ASH1L: variants seen among roughly 807,000 people sequenced by gnomAD.
ASH1L encodes the protein ASH1 like histone lysine methyltransferase, also known as histone-lysine N-methyltransferase ASH1L.
Under a neutral mutation model 269.0 loss-of-function variants are expected in ASH1L, and 23 were observed. That is an observed-to-expected ratio of 0.09 (90% CI 0.06 to 0.12). The LOEUF (loss-of-function observed/expected upper bound fraction) is 0.12. Among genes scored for constraint, ASH1L ranks in the 10% least tolerant of loss-of-function variants. The pLI, the probability that ASH1L is intolerant of heterozygous loss-of-function variation, is 1.00. For synonymous variants in ASH1L, 1,187 were observed against 1,253.5 expected (o/e 0.95, Z 1.12); for missense variants, 2,912 against 3,567.8 (o/e 0.82, Z 4.68).
intron 2 of ASH1L, among the ~76,000 whole-genome samples, chr1:155,509,517 G>A (rs1390013468): frequency 6.6e-6 from 1 of 152,194 alleles, no homozygotes; most frequent in East Asian, 1.9e-4. Flanking sequence ...TAGTGTTGAG[G>A]CCGGGCTTGG....
intron 16 of ASH1L, among the ~76,000 whole-genome samples, chr1:155,353,535 C>A (rs1654106033): frequency 6.6e-6 from 1 of 152,110 alleles, no homozygotes; most frequent in African/African-American, 2.4e-5. Context: ...CTTTTGAACA[C>A]TCTGTTTTCA....
chr1:155,446,111 T>C (rs1663000402), intron 4 of ASH1L, among the ~76,000 whole-genome samples: 2 of 150,206 alleles, frequency 1.3e-5, no homozygotes, highest in South Asian at 4.2e-4. Flanking sequence ...CTCGAACTCC[T>C]GACCTCAAAT....
At chr1:155,442,813 C>A (rs1419047828) in intron 4 of ASH1L, among the ~76,000 whole-genome samples, 2 of 152,014 alleles carry the variant, frequency 1.3e-5, no homozygotes, top group Non-Finnish European at 2.9e-5. Context: ...GCCTTTGAGT[C>A]TGCCTTTCTC....
chr1:155,540,306 G>T (rs1437615570), intron 1 of ASH1L, among the ~76,000 whole-genome samples: 1 of 152,156 alleles, frequency 6.6e-6, no homozygotes, highest in African/African-American at 2.4e-5. Flanking sequence ...AATGTGAATA[G>T]AAATTGTTGT....
At chr1:155,476,222 T>C (rs755462106) in intron 3 of ASH1L, among the ~76,000 whole-genome samples, 1 of 151,866 alleles carries the variant, frequency 6.6e-6, no homozygotes, top group African/African-American at 2.4e-5. Context: ...CTGTCTCTAC[T>C]AGAAATATAA....
intron 1 of ASH1L, among the ~76,000 whole-genome samples, chr1:155,536,566 T>C (rs1011268399): frequency 1.3e-5 from 2 of 152,164 alleles, no homozygotes; most frequent in East Asian, 3.8e-4. Context: ...AGCTCCCATA[T>C]ATGAATACGC....
Position 155,459,200 on chromosome 1 carries a change from A to AT in ASH1L, c.5086+596dup, listed in dbSNP as rs997718526. Among the ~76,000 whole-genome samples the AT allele has an allele frequency of 1.8e-3, 261 of 146,154 alleles. 2 individuals are homozygous for AT. Among genetic ancestry groups the AT allele is most frequent in the South Asian group, 0.016 (75 of 4,642 alleles). On this transcript the variant is annotated intron_variant, in intron 4 of 27. Transcript: ENST00000392403. ...TTGGAAATTACTAGTTTACTAAACA[A>AT]TTTTTTTTTTTTTCAGACAGAGTCT...
Position 155,480,780 on chromosome 1 carries a change from G to A in ASH1L, c.2090C>T (p.Ala697Val). The A allele has an allele frequency of 6.2e-7, 1 of 1,613,710 alleles. No homozygotes were observed. Among genetic ancestry groups the A allele is most frequent in the Non-Finnish European group, 8.5e-7 (1 of 1,179,954 alleles). The change falls in exon 3 of 28, where the codon GCT becomes GTT. Residue 697 changes from alanine (A) to valine (V), a missense_variant. By Grantham distance (64) the Ala-to-Val change is moderately conservative. Around this residue, in one of 13 missense-constraint regions of ASH1L, gnomAD observed 715 missense variants for 721.0 expected, o/e 0.99. Coordinates refer to ENST00000392403, the MANE Select transcript of ASH1L (RefSeq NM_018489.3). ...VSASDKHCQV[A>V]ESLSTSLQSK... is the part of the protein sequence containing the mutation. ...CTGCAAACTAGTACTTAGGCTTTCA[G>A]CAACTTGGCAGTGTTTGTCTGATGC...
At chr1:155,364,922 T>TA (rs60237031) in intron 12 of ASH1L, among the ~76,000 whole-genome samples, 8,543 of 107,066 alleles carry the variant, frequency 0.08, 414 homozygotes, top group African/African-American at 0.15. Context: ...AGCTCTGTCT[T>TA]AAAAAAAAAA....
In ASH1L at chr1:155,343,913, C is replaced by G. The variant is rs550846384; in HGVS notation, c.7982-171G>C. ...GATGATAATCAATTCTAGACTATGACAATAATATAAGGGAGGCATTCCATT... is the reference window on the plus strand; with the variant it reads ...GATGATAATCAATTCTAGACTATGAGAATAATATAAGGGAGGCATTCCATT... On this transcript the variant is annotated intron_variant, in intron 22 of 27. Transcript: ENST00000392403. The surrounding 1 kb of genome is among the most constrained non-coding windows in gnomAD (Gnocchi z 6.1). 6.6e-6 allele frequency among the ~76,000 whole-genome samples: 1 copy of G among 152,274 alleles called. No individual in the cohort carries two copies. Among genetic ancestry groups the G allele is most frequent in the Non-Finnish European group, 1.5e-5 (1 of 68,020 alleles).
At chr1:155,395,309 T>A in intron 7 of ASH1L, 150 bp downstream of exon 7, 1 of 574,130 alleles carries the variant, frequency 1.7e-6, no homozygotes, top group South Asian at 2.6e-5. Context: ...GTGTATAAAA[T>A]TCTTCAGAGT....
chr1:155,546,783 C>T (rs1670855925), intron 1 of ASH1L, among the ~76,000 whole-genome samples: 1 of 151,546 alleles, frequency 6.6e-6, no homozygotes, highest in Non-Finnish European at 1.5e-5. Flanking sequence ...TGGTAAAGAA[C>T]AGGTAAACAA....
At chr1:155,376,925 G>T (rs912388799) in intron 10 of ASH1L, among the ~76,000 whole-genome samples, 1 of 150,370 alleles carries the variant, frequency 6.7e-6, no homozygotes, top group Non-Finnish European at 1.5e-5. Context: ...TTTTGGGGGG[G>T]AGATGGAGTT....
At chr1:155,419,295 G>C (rs932529877) in intron 5 of ASH1L, 3 of 150,604 alleles carry the variant, frequency 2.0e-5, no homozygotes, top group South Asian at 4.2e-4. Flanking sequence ...CAAACCAGAA[G>C]ACAATGTAAT....
At chr1:155,342,530 G>T (rs182965005) in intron 24 of ASH1L, among the ~76,000 whole-genome samples, 5 of 152,286 alleles carry the variant, frequency 3.3e-5, no homozygotes, top group Admixed American at 2.0e-4. Context: ...GTCAGTTTTG[G>T]AATGGAATAC....
intron 2 of ASH1L, among the ~76,000 whole-genome samples, chr1:155,503,341 C>G (rs374975350): frequency 6.6e-6 from 1 of 152,034 alleles, no homozygotes; most frequent in Admixed American, 6.6e-5. Context: ...TGTCAAAATG[C>G]CTTTGTGTAC....
At chr1:155,561,338 A>G (rs1671949698) in intron 1 of ASH1L, among the ~76,000 whole-genome samples, 1 of 137,920 alleles carries the variant, frequency 7.3e-6, no homozygotes, top group African/African-American at 2.5e-5. Context: ...CCAAAGGCAC[A>G]AACTATTCTT....
Position 155,420,052 on chromosome 1 carries a change from T to G in ASH1L, c.5829-4129A>C, listed in dbSNP as rs547607095. Among the ~76,000 whole-genome samples, 7 of 152,254 alleles carry G rather than the reference T, an allele frequency of 4.6e-5. No homozygotes were observed. In the South Asian group the frequency reaches 1.4e-3, roughly 32 times the overall value. On this transcript the variant is annotated intron_variant, in intron 5 of 27. Coordinates refer to ENST00000392403, the MANE Select transcript of ASH1L (RefSeq NM_018489.3). ...TAGAATAGTAGCCAGGCAGGGTGAC[T>G]CACTCCTATAATCCCAACACTGTGG...
chr1:155,546,020 G>A (rs766487207), intron 1 of ASH1L, among the ~76,000 whole-genome samples: 2 of 152,072 alleles, frequency 1.3e-5, no homozygotes, highest in Non-Finnish European at 1.5e-5. Flanking sequence ...CTAGCCAGGC[G>A]TGGTGGCGTG....
Sources: gnomAD v4.1 joint callset for allele counts (sites outside exome capture counted in the v4.1 genomes callset) on GRCh38, gnomAD v4.1.1 for gene constraint, gnomAD v4.1.1 regional missense constraint, Gnocchi (gnomAD v3.1) non-coding constraint, MANE v1.5 for transcripts, NCBI Gene and HGNC (gene_info 2026-07-23, HGNC 2026-07-21) for gene names.